Variants in BCL11A observed in about 807,000 individuals in gnomAD.
The protein encoded by BCL11A is B cell CLL/lymphoma 11A.
BCL11A carries 2 observed loss-of-function variants against 55.9 expected under a neutral mutation model. The observed-to-expected ratio is 0.04, with a 90% confidence interval of 0.01 to 0.11. The LOEUF is 0.11. Ranked by LOEUF, BCL11A falls within the 10% of genes least tolerant of loss-of-function variation. The pLI, the probability that BCL11A is intolerant of heterozygous loss-of-function variation, is 1.00. For synonymous variants in BCL11A, 465 were observed against 473.4 expected (o/e 0.98, Z 0.23); for missense variants, 817 against 1,137.1 (o/e 0.72, Z 4.05).
intron 2 of BCL11A, chr2:60,545,212 C>T (rs1251088937): frequency 6.6e-6 from 1 of 152,284 alleles, no homozygotes; most frequent in African/African-American, 2.4e-5. Context: ...AGGAGGCAGG[C>T]TGCAGGGAGC....
At chr2:60,524,272 A>C (rs184037899) in intron 2 of BCL11A, among the ~76,000 whole-genome samples, 2 of 152,324 alleles carry the variant, frequency 1.3e-5, no homozygotes, top group East Asian at 3.9e-4. Flanking sequence ...AAGAGAGAAC[A>C]TTGGGCTATG....
At chr2:60,523,413 T>A (rs1669076744) in intron 2 of BCL11A, among the ~76,000 whole-genome samples, 1 of 152,200 alleles carries the variant, frequency 6.6e-6, no homozygotes, top group African/African-American at 2.4e-5. Flanking sequence ...TGAAAAGTGG[T>A]TTCTACATGG....
intron 2 of BCL11A, among the ~76,000 whole-genome samples, chr2:60,512,192 C>A (rs1334726983): frequency 6.6e-6 from 1 of 152,156 alleles, no homozygotes; most frequent in Admixed American, 6.5e-5. Context: ...AGAGAGGAAG[C>A]CTGCTTTCCT....
At chr2:60,474,714 T>TCATTCATTCTCTCATG (rs1558626658) in intron 2 of BCL11A, among the ~76,000 whole-genome samples, 1 of 152,246 alleles carries the variant, frequency 6.6e-6, no homozygotes, top group Non-Finnish European at 1.5e-5. Context: ...TAAATTCCAT[T>TCATTCATTCTCTCATG]CATTCATTCT....
intron 2 of BCL11A, among the ~76,000 whole-genome samples, chr2:60,472,635 A>G (rs1228563231): frequency 6.6e-6 from 1 of 152,230 alleles, no homozygotes; most frequent in Non-Finnish European, 1.5e-5. Context: ...ATTTCTACAT[A>G]TATTGGGTAC....
intron 2 of BCL11A, among the ~76,000 whole-genome samples, chr2:60,471,552 T>G (rs962151214): frequency 6.6e-6 from 1 of 152,222 alleles, no homozygotes; most frequent in African/African-American, 2.4e-5. Context: ...TTAGGCAAAG[T>G]AAAGTATCAC....
exon 5 of BCL11A, chr2:60,451,353 T>C (rs1210478311): frequency 1.8e-5 from 4 of 228,048 alleles, no homozygotes; most frequent in Non-Finnish European, 3.5e-5. Flanking sequence ...ACAAACCTAT[T>C]TTAATTTGCT....
chr2:60,457,351 C>T lies in BCL11A; in HGVS notation c.*3053G>A. 1 of 1,020,886 alleles carries T rather than the reference C, an allele frequency of 9.8e-7. No homozygotes were observed. Among genetic ancestry groups the T allele is most frequent in the African/African-American group, 1.7e-5 (1 of 58,586 alleles). The allele number at this position is 1,020,886 out of a possible 1,614,324, so 63.2% of individuals were successfully genotyped here. A position where few individuals can be genotyped will look rare whatever the true frequency, so the allele number is the denominator to read the frequency against. Reference sequence around the variant, plus strand: ...CAATAAAAAGCCAGGTTGTAATGACCTTTGGTCATCTAAATAAAAAAAAAA... The same window carrying T: ...CAATAAAAAGCCAGGTTGTAATGACTTTTGGTCATCTAAATAAAAAAAAAA... On this transcript the variant is annotated 3_prime_UTR_variant, in exon 4 of 4. Coordinates refer to ENST00000642384, the MANE Select transcript of BCL11A (RefSeq NM_022893.4).
chr2:60,476,969 TAA>T (rs1337682970), intron 2 of BCL11A, among the ~76,000 whole-genome samples: 1 of 152,194 alleles, frequency 6.6e-6, no homozygotes, highest in Non-Finnish European at 1.5e-5. Context: ...GAAGGGACGA[TAA>T]AAGACACTGC....
chr2:60,476,284 G>A (rs1476748837), intron 2 of BCL11A, among the ~76,000 whole-genome samples: 1 of 152,228 alleles, frequency 6.6e-6, no homozygotes, highest in Non-Finnish European at 1.5e-5. Context: ...TGAGCTTCAA[G>A]GAGGAAACCT....
intron 2 of BCL11A, among the ~76,000 whole-genome samples, chr2:60,492,556 T>G (rs547801061): frequency 6.6e-6 from 1 of 152,160 alleles, no homozygotes; most frequent in Admixed American, 6.5e-5. Flanking sequence ...CCAGTACTCA[T>G]GCGCTTCTCA....
intron 2 of BCL11A, among the ~76,000 whole-genome samples, chr2:60,530,752 C>G (rs1669415442): frequency 1.3e-5 from 2 of 151,940 alleles, no homozygotes; most frequent in African/African-American, 4.8e-5. Flanking sequence ...ACGCTCTCAT[C>G]TAAAGCCTGG....
At chr2:60,521,478 G>T (rs1382806584) in intron 2 of BCL11A, among the ~76,000 whole-genome samples, 1 of 152,188 alleles carries the variant, frequency 6.6e-6, no homozygotes, top group African/African-American at 2.4e-5. Flanking sequence ...CGGGCTGCAC[G>T]AAGCCCACCA....
Position 60,508,068 on chromosome 2 carries a change from T to C in BCL11A, c.385+37903A>G, listed in dbSNP as rs189700302. On this transcript the variant is annotated intron_variant, in intron 2 of 3. Transcript: ENST00000642384. Reference sequence around the variant, plus strand: ...TGCAAACACAAAAAAGAAATCACAATAAACCTGAAATTCTCTCATGTCATG... The same window carrying C: ...TGCAAACACAAAAAAGAAATCACAACAAACCTGAAATTCTCTCATGTCATG... 1.1e-4 allele frequency among the ~76,000 whole-genome samples: 16 copies of C among 152,200 alleles called. No individual in the cohort carries two copies. The East Asian group carries it at 3.1e-3, about 29-fold the overall frequency.
intron 3 of BCL11A, 46 bp from the exon 4 acceptor site, chr2:60,462,470 G>A (rs759725556): frequency 5.8e-5 from 90 of 1,554,946 alleles, no homozygotes; most frequent in Non-Finnish European, 7.4e-5. Context: ...TCACTGAGGC[G>A]GGCATCAGCA....
exon 5 of BCL11A, chr2:60,451,256 A>AGAAGGT: frequency 4.4e-6 from 1 of 225,408 alleles, no homozygotes; most frequent in East Asian, 6.4e-5. Flanking sequence ...TAATCTAGCC[A>AGAAGGT]GAAGGTGGAT....
rs373486618 is a variant in BCL11A at position 60,546,012 on chromosome 2, G to A, written c.344C>T (p.Thr115Met). The change falls in exon 2 of 4, where the codon ACG becomes ATG. Residue 115 changes from threonine to methionine, a missense_variant. Thr to Met is a moderately conservative substitution (Grantham distance 81, BLOSUM62 -1). Coordinates refer to ENST00000642384, the MANE Select transcript of BCL11A (RefSeq NM_022893.4). This position sits in a 1 kb window ranked among gnomAD's most constrained non-coding sequence, Gnocchi z 4.1. ...VTPEDDDCLS[T>M]SSRGICPKQE... ...TTTGGGGCAAATTCCTCTAGATGAC[G>A]TTGATAAACAATCGTCATCCTCTGG... is the stretch of plus-strand genomic sequence containing the variant. 54 of 1,614,066 alleles carry A rather than the reference G, an allele frequency of 3.3e-5. No individual in the cohort carries two copies. Among genetic ancestry groups the A allele is most frequent in the African/African-American group, 1.7e-4 (13 of 74,916 alleles).
chr2:60,513,276 G>T (rs189169678), intron 2 of BCL11A, among the ~76,000 whole-genome samples: 1 of 152,106 alleles, frequency 6.6e-6, no homozygotes, highest in African/African-American at 2.4e-5. Context: ...CAGCTGACAC[G>T]GCTCCAAGAT....
intron 1 of BCL11A, among the ~76,000 whole-genome samples, chr2:60,551,260 C>A (rs1223879446): frequency 6.6e-6 from 1 of 152,218 alleles, no homozygotes; most frequent in Non-Finnish European, 1.5e-5. Flanking sequence ...GCGCAGTCAG[C>A]GGGAGACAGC....
Sources: gnomAD v4.1 joint callset for allele counts (sites outside exome capture counted in the v4.1 genomes callset) on GRCh38, gnomAD v4.1.1 for gene constraint, Gnocchi (gnomAD v3.1) non-coding constraint, MANE v1.5 for transcripts, NCBI Gene and HGNC (gene_info 2026-07-23, HGNC 2026-07-21) for gene names.